The following TATDN1 variants were observed in gnomAD, a reference collection of about 807,000 sequenced individuals.
TATDN1 encodes the protein TatD DNase domain containing 1.
TATDN1 carries 40 observed loss-of-function variants against 46.4 expected under a neutral mutation model. That is an observed-to-expected ratio of 0.86 (90% confidence interval 0.67 to 1.12). The LOEUF (loss-of-function observed/expected upper bound fraction) is 1.12, where lower values mean the gene tolerates loss of function less well. TATDN1 is among the 50% of genes most tolerant of loss of function. The probability of loss-of-function intolerance (pLI) is 0.00; values close to 1 mark genes in which losing one functional copy is unlikely to be tolerated. For missense variants in TATDN1, 326 were observed against 348.4 expected (o/e 0.94, Z 0.51); for synonymous variants, 95 against 105.6 (o/e 0.90, Z 0.62).
chr8:124,493,036 C>T (rs1369456239), intron 11 of TATDN1, among the ~76,000 whole-genome samples: 2 of 152,104 alleles, frequency 1.3e-5, no homozygotes, highest in African/African-American at 2.4e-5. Flanking sequence ...TAGAATAATT[C>T]TTCACTGTTC....
intron 9 of TATDN1, among the ~76,000 whole-genome samples, chr8:124,501,372 G>T (rs1406649556): frequency 1.3e-5 from 2 of 152,034 alleles, no homozygotes; most frequent in Non-Finnish European, 2.9e-5. Flanking sequence ...ATCTGAGCCT[G>T]CCAGTTGCTG....
intron 6 of TATDN1, 131 bp from the exon 7 acceptor site, chr8:124,508,819 AT>A: frequency 1.6e-6 from 1 of 610,684 alleles, no homozygotes; most frequent in Non-Finnish European, 2.8e-6. Flanking sequence ...AATCATGAAT[AT>A]TTAAAGCACA....
intron 8 of TATDN1, chr8:124,504,659 T>C (rs944218102): frequency 2.0e-5 from 4 of 196,426 alleles, no homozygotes; most frequent in Non-Finnish European, 3.1e-5. Context: ...GATATATTCT[T>C]AGGCAAAAAC....
chr8:124,518,211 CAAAAAAAAAAAAAAAA>C (rs374487274), intron 4 of TATDN1, among the ~76,000 whole-genome samples: 4 of 34,586 alleles, frequency 1.2e-4, no homozygotes, highest in East Asian at 5.9e-4. Context: ...GACTCTATCT[CAAAAAAAAAAAAAAAA>C]AAAAAAAAAA....
intron 11 of TATDN1, among the ~76,000 whole-genome samples, chr8:124,490,827 TGTG>T (rs1816930289): frequency 6.6e-6 from 1 of 151,716 alleles, no homozygotes; most frequent in Non-Finnish European, 1.5e-5. Flanking sequence ...GCTCACTGTG[TGTG>T]ATCACACAGT....
At chr8:124,525,886 T>C (rs1357326052) in intron 1 of TATDN1, among the ~76,000 whole-genome samples, 1 of 152,220 alleles carries the variant, frequency 6.6e-6, no homozygotes, top group Non-Finnish European at 1.5e-5. Context: ...TGTTCTTATC[T>C]ATGTTAAGGG....
chr8:124,515,533 TTAAATGGTTAA>T (rs1388878227), intron 6 of TATDN1, among the ~76,000 whole-genome samples: 1 of 152,198 alleles, frequency 6.6e-6, no homozygotes, highest in African/African-American at 2.4e-5. Flanking sequence ...TACAATAAAA[TTAAATGGTTAA>T]TCAACCAGGG....
At chr8:124,528,110 T>C (rs377495389) in intron 1 of TATDN1, among the ~76,000 whole-genome samples, 1 of 152,180 alleles carries the variant, frequency 6.6e-6, no homozygotes, top group Non-Finnish European at 1.5e-5. Context: ...AAATAGATCA[T>C]TGAGAGGATT....
chr8:124,513,739 T>C (rs567842351), intron 6 of TATDN1, among the ~76,000 whole-genome samples: 1 of 152,220 alleles, frequency 6.6e-6, no homozygotes, highest in Non-Finnish European at 1.5e-5. Context: ...AAAAGTCATA[T>C]GGGCAAAAAA....
chr8:124,531,988 T>C (rs1019545638), intron 1 of TATDN1, among the ~76,000 whole-genome samples: 3 of 152,174 alleles, frequency 2.0e-5, no homozygotes, highest in Non-Finnish European at 4.4e-5. Context: ...GTTTCATCCA[T>C]TTCCCTCTTC....
intron 10 of TATDN1, 21 bp downstream of exon 10, chr8:124,495,451 A>G: frequency 3.8e-6 from 6 of 1,584,128 alleles, no homozygotes; most frequent in Non-Finnish European, 5.2e-6. Flanking sequence ...ATATGAAACA[A>G]AGTTCTGAAA....
chr8:124,520,724 C>G (rs1039025643), intron 3 of TATDN1, among the ~76,000 whole-genome samples: 3 of 151,894 alleles, frequency 2.0e-5, no homozygotes, highest in Non-Finnish European at 2.9e-5. Context: ...TGGCAGATCA[C>G]GAAGTCAGGA....
At chr8:124,519,963 A>G (rs1686187769) in intron 3 of TATDN1, among the ~76,000 whole-genome samples, 2 of 152,188 alleles carry the variant, frequency 1.3e-5, no homozygotes, top group Non-Finnish European at 1.5e-5. Context: ...GCATACTTCA[A>G]AAGTCTCACT....
chr8:124,538,994 G>C (rs541737047), intron 1 of TATDN1, 31 bp downstream of exon 1: 1 of 1,613,194 alleles, frequency 6.2e-7, no homozygotes, highest in Non-Finnish European at 8.5e-7. Flanking sequence ...AAGTCAGAAA[G>C]ACCCAAGGGC....
At chr8:124,500,297 C>T (rs1195662359) in intron 9 of TATDN1, among the ~76,000 whole-genome samples, 3 of 152,114 alleles carry the variant, frequency 2.0e-5, no homozygotes, top group Non-Finnish European at 4.4e-5. Flanking sequence ...ATATAAACAT[C>T]CACTTTAATA....
intron 1 of TATDN1, among the ~76,000 whole-genome samples, chr8:124,530,944 G>C (rs549037371): frequency 3.6e-4 from 55 of 152,290 alleles, no homozygotes; most frequent in African/African-American, 1.0e-3. Context: ...AGCAAGGGTT[G>C]TTGTTTTCAG....
intron 9 of TATDN1, among the ~76,000 whole-genome samples, chr8:124,498,761 C>T (rs1461770202): frequency 6.6e-6 from 1 of 152,112 alleles, no homozygotes; most frequent in East Asian, 1.9e-4. Flanking sequence ...CACAATTCTC[C>T]TGCCTCAGCC....
chr8:124,495,586 G>C, intron 9 of TATDN1, 44 bp from the exon 10 acceptor site: 1 of 1,448,638 alleles, frequency 6.9e-7, no homozygotes, highest in Non-Finnish European at 9.5e-7. Context: ...AGCAATTAAC[G>C]AATACCTTTT....
rs746689630 is a variant in TATDN1, at chr8:124,504,920, A to AT, written c.517-574dup. On this transcript the variant is annotated intron_variant, in intron 8 of 11. Transcript: ENST00000276692. ...CGCCACCACGCCTGGCTAATTTTGT[A>AT]TTTTTTTTTTTTTTAGTAGAGATGG... Among the ~76,000 whole-genome samples the AT allele has an allele frequency of 5.6e-3, 719 of 128,544 alleles. 4 individuals are homozygous for AT. The highest frequency in any genetic ancestry group is 8.0e-3 in the Non-Finnish European group (471 of 59,092). 84.3% of individuals were successfully genotyped at this position (128,544 alleles called of 152,430 possible). A position where few individuals can be genotyped will look rare whatever the true frequency, so the allele number is the denominator to read the frequency against.
Sources: allele counts gnomAD v4.1 joint callset (sites outside exome capture counted in the v4.1 genomes callset), GRCh38; gene constraint gnomAD v4.1.1; transcripts MANE v1.5; gene names NCBI Gene and HGNC (gene_info 2026-07-23, HGNC 2026-07-21).